SANBR: variants seen among roughly 807,000 people sequenced by gnomAD.
The protein encoded by SANBR is SANT and BTB domain regulator of class switch recombination.
Under a neutral mutation model 101.8 loss-of-function variants are expected in SANBR, and 77 were observed. The observed-to-expected ratio is 0.76, with a 90% CI of 0.63 to 0.91. The LOEUF (loss-of-function observed/expected upper bound fraction) is 0.91. Ranked by LOEUF, SANBR falls within the 40% of genes least tolerant of loss-of-function variation. SANBR has a pLI of 0.00. For synonymous variants in SANBR, 279 were observed against 274.7 expected, an observed-to-expected ratio of 1.02 and a Z score of -0.15; for missense variants, 875 against 853.0, an observed-to-expected ratio of 1.03 and a Z score of -0.32.
intron 2 of SANBR, 36 bp downstream of exon 2, chr2:61,069,021 T>A (rs1681322865): frequency 6.6e-6 from 1 of 152,364 alleles, no homozygotes; most frequent in Admixed American, 6.5e-5. Flanking sequence ...GTGATTTTAG[T>A]GTGCTAAATG....
intron 3 of SANBR, 31 bp downstream of exon 3, chr2:61,070,531 G>A: frequency 6.3e-7 from 1 of 1,581,792 alleles, no homozygotes; most frequent in Non-Finnish European, 8.6e-7. Flanking sequence ...AATATCTCCT[G>A]AAAATGTTCA....
intron 16 of SANBR, among the ~76,000 whole-genome samples, chr2:61,115,217 G>T (rs1444356258): frequency 6.6e-6 from 1 of 152,016 alleles, no homozygotes; most frequent in Non-Finnish European, 1.5e-5. Flanking sequence ...ACTTTCATTA[G>T]TTAATAGATG....
intron 7 of SANBR, 51 bp downstream of exon 7, chr2:61,081,561 C>A: frequency 6.9e-7 from 1 of 1,448,728 alleles, no homozygotes; most frequent in Non-Finnish European, 9.1e-7. Flanking sequence ...CTTATGCTTT[C>A]TTTTCCTTCA....
chr2:61,123,168 A>G lies in SANBR; in HGVS notation c.*1006A>G. The G allele has an allele frequency of 6.1e-6, 6 of 981,676 alleles. No individual in the cohort carries two copies. In the South Asian group the frequency reaches 1.4e-4, roughly 23 times the overall value. The allele number at this position is 981,676 out of a possible 1,614,324, so 60.8% of individuals were successfully genotyped here. On this transcript the variant is annotated 3_prime_UTR_variant, in exon 22 of 22. Coordinates refer to ENST00000402291, the MANE Select transcript of SANBR (RefSeq NM_001129993.3). ...GCTCAGGGAAAATTTGTTCCAAACTATAACCATATAATAAATTATGTGTTT... is the reference window on the plus strand; with the variant it reads ...GCTCAGGGAAAATTTGTTCCAAACTGTAACCATATAATAAATTATGTGTTT...
At chr2:61,136,687 C>T (rs1684859994) in intron 21 of SANBR, among the ~76,000 whole-genome samples, 1 of 145,080 alleles carries the variant, frequency 6.9e-6, no homozygotes, top group African/African-American at 2.6e-5. Flanking sequence ...AATACTGAGG[C>T]TAGGCTGGGC....
intron 1 of SANBR, among the ~76,000 whole-genome samples, chr2:61,068,179 G>A (rs1176153111): frequency 2.0e-5 from 3 of 152,104 alleles, no homozygotes; most frequent in Non-Finnish European, 4.4e-5. Context: ...GCCCTTCCAA[G>A]GTTCTTCCAA....
intron 8 of SANBR, among the ~76,000 whole-genome samples, chr2:61,087,850 CAA>C (rs879925982): frequency 2.5e-5 from 3 of 118,854 alleles, no homozygotes; most frequent in African/African-American, 3.0e-5. Flanking sequence ...GACTCTGTCT[CAA>C]AAAAAAAAAG....
At position 61,077,294 on chromosome 2, in the gene SANBR, A is replaced by G. The variant is rs1681842359; in HGVS notation, c.670+136A>G. 32 of 677,966 alleles carry G rather than the reference A, an allele frequency of 4.7e-5. 3 individuals are homozygous for G. In the South Asian group the frequency reaches 5.4e-4, roughly 11 times the overall value. 42.0% of individuals were successfully genotyped at this position (677,966 alleles called of 1,614,324 possible). A position where few individuals can be genotyped will look rare whatever the true frequency, so the allele number is the denominator to read the frequency against. On this transcript the variant is annotated intron_variant, in intron 6 of 21. Transcript: ENST00000402291. ...CATATTAGTAACAGCCTTTTAGGAA[A>G]CTGATAACCTCATCTTTTTTAGTAA...
intron 11 of SANBR, among the ~76,000 whole-genome samples, chr2:61,096,355 G>A (rs1326049198): frequency 6.6e-6 from 1 of 152,076 alleles, no homozygotes; most frequent in East Asian, 1.9e-4. Context: ...GAGCCCCATA[G>A]TATCTCTGAA....
intron 12 of SANBR, among the ~76,000 whole-genome samples, chr2:61,101,651 T>A (rs1405652587): frequency 6.6e-6 from 1 of 150,784 alleles, no homozygotes. Context: ...GAGAATGGTG[T>A]GAACCTGGGA....
At chr2:61,106,472 G>T in intron 13 of SANBR, 91 bp from the exon 14 acceptor site, 1 of 826,268 alleles carries the variant, frequency 1.2e-6, no homozygotes, top group South Asian at 1.6e-5. Context: ...TCTAAAAAGC[G>T]ATTTTTGAAA....
rs557106305 is a variant in SANBR, at chr2:61,081,524, T to TA, written c.729+22dup. On this transcript the variant is annotated intron_variant, in intron 7 of 21. Transcript: ENST00000402291. ...ATGGATTCACTAGTAAGTATTGACT[T>TA]AAAAAAAATCAAAGTGCTTCTGTTC... 2.9e-4 allele frequency: 445 copies of TA among 1,533,698 alleles called. 1 individual carries two copies. The East Asian group carries it at 8.4e-3, about 29-fold the overall frequency.
Position 61,070,358 on chromosome 2 carries a change from GT to G in SANBR, c.9del (p.Gly4AspfsTer9), listed in dbSNP as rs1559068733. The G allele has an allele frequency of 6.3e-7, 1 of 1,576,744 alleles. No homozygotes were observed. MS[R>X]GYSENNNFLN... ...TATCCCTAGTTCCAAAAGATGAGTC[GT>G]GGATATTCAGAAAACAACAATTTCC... On this transcript the variant is annotated frameshift_variant, in exon 3 of 22. Coordinates refer to ENST00000402291, the MANE Select transcript of SANBR (RefSeq NM_001129993.3). LOFTEE classifies it high-confidence loss of function.
Position 61,118,045 on chromosome 2 carries a change from G to A in SANBR, c.1957G>A (p.Glu653Lys), listed in dbSNP as rs1448304488. ...CCCTTCAGATCAACGGCGAATGACT[G>A]AAATTACAGGGCACCTAATAAAAAT... is the stretch of plus-strand genomic sequence containing the variant. The part of the protein sequence containing the change: ...QREDDQRRMT[E>K]ITGHLIKMRL... The change falls in exon 20 of 22, where the codon GAA (glutamate) becomes AAA (lysine). Residue 653 changes from glutamate to lysine, a missense_variant. By Grantham distance (56) the Glu-to-Lys change is moderately conservative. Coordinates refer to ENST00000402291, the MANE Select transcript of SANBR (RefSeq NM_001129993.3). 2 of 1,613,450 alleles carry A rather than the reference G, an allele frequency of 1.2e-6. No homozygotes were observed. Among genetic ancestry groups the A allele is most frequent in the Non-Finnish European group, 1.7e-6 (2 of 1,179,692 alleles).
At position 61,112,597 on chromosome 2, in the gene SANBR, G is replaced by A. The variant is rs148327638; in HGVS notation, c.1744+3301G>A. Among the ~76,000 whole-genome samples the A allele has an allele frequency of 8.9e-3, 1,352 of 151,948 alleles. 21 individuals are homozygous for A. Among genetic ancestry groups the A allele is most frequent in the African/African-American group, 0.031 (1,270 of 41,426 alleles). ...CAACCTCTGCCTCCTGGGTTCCAGCGATTCTTCTGCCTCAGCCTCCCGAGT... is the reference window on the plus strand; with the variant it reads ...CAACCTCTGCCTCCTGGGTTCCAGCAATTCTTCTGCCTCAGCCTCCCGAGT... On this transcript the variant is annotated intron_variant, in intron 16 of 21. Transcript: ENST00000402291.
Position 61,134,136 on chromosome 2 carries a change from G to T in SANBR, c.2029-1G>T, listed in dbSNP as rs150868433. On this transcript the variant is annotated splice_acceptor_variant, in intron 20 of 21. Coordinates refer to the SANBR transcript ENST00000295031. LOFTEE classifies it high-confidence loss of function. ...TAGTGTTATTATCTGCTTTTTTACA[G>T]ACAGACAAACTGAGACCCAGAGACG... 3.7e-5 allele frequency: 60 copies of T among 1,614,026 alleles called. No individual in the cohort carries two copies. In the East Asian group the frequency reaches 6.9e-4, roughly 19 times the overall value.
At chr2:61,090,870 C>G (rs1434307551) in intron 10 of SANBR, among the ~76,000 whole-genome samples, 2 of 151,920 alleles carry the variant, frequency 1.3e-5, no homozygotes, top group African/African-American at 4.8e-5. Context: ...GCCGCCATTC[C>G]TGGCAGATGT....
chr2:61,070,058 G>A (rs369421315), intron 2 of SANBR, among the ~76,000 whole-genome samples: 28 of 152,046 alleles, frequency 1.8e-4, no homozygotes, highest in African/African-American at 6.5e-4. Context: ...TTGTAAAATT[G>A]GGGACTCTGT....
At chr2:61,101,356 C>T (rs1683272036) in intron 12 of SANBR, among the ~76,000 whole-genome samples, 1 of 152,146 alleles carries the variant, frequency 6.6e-6, no homozygotes, top group Non-Finnish European at 1.5e-5. Context: ...CACAAATTTA[C>T]ATTTGTGGTT....
Sources: gnomAD v4.1 joint callset for allele counts (sites outside exome capture counted in the v4.1 genomes callset) on GRCh38, gnomAD v4.1.1 for gene constraint, MANE v1.5 for transcripts, NCBI Gene and HGNC (gene_info 2026-07-23, HGNC 2026-07-21) for gene names.